The following PRPF38A variants were observed in gnomAD, a reference collection of about 807,000 sequenced individuals.
PRPF38A encodes the protein pre-mRNA-splicing factor 38A.
Under a neutral mutation model 46.8 loss-of-function variants are expected in PRPF38A, and 11 were observed. The ratio of observed to expected loss-of-function variants is 0.24; its 90% confidence interval spans 0.15 to 0.39. The LOEUF (loss-of-function observed/expected upper bound fraction) is 0.39. Among genes scored for constraint, PRPF38A ranks in the 10% least tolerant of loss-of-function variants. The probability of loss-of-function intolerance (pLI) is 1.00; values close to 1 mark genes in which losing one functional copy is unlikely to be tolerated. For synonymous variants in PRPF38A, 124 were observed against 136.2 expected, an observed-to-expected ratio of 0.91 and a Z score of 0.62; for missense variants, 261 against 407.5, an observed-to-expected ratio of 0.64 and a Z score of 3.10.
intron 1 of PRPF38A, 60 bp from the exon 2 acceptor site, chr1:52,405,620 T>C (rs1025011997): frequency 2.3e-5 from 36 of 1,542,800 alleles, no homozygotes; most frequent in Non-Finnish European, 3.0e-5. Context: ...TTGAACTAAC[T>C]CCACTCCAAC....
At chr1:52,411,641 T>TA (rs1416904070) in intron 4 of PRPF38A, among the ~76,000 whole-genome samples, 4 of 152,034 alleles carry the variant, frequency 2.6e-5, no homozygotes, top group African/African-American at 9.7e-5. Flanking sequence ...AGCCAGGACA[T>TA]AAAACAGATA....
intron 5 of PRPF38A, among the ~76,000 whole-genome samples, 188 bp from the exon 6 acceptor site, chr1:52,413,691 T>C (rs1291712172): frequency 6.6e-6 from 1 of 151,924 alleles, no homozygotes; most frequent in Non-Finnish European, 1.5e-5. Context: ...TTGGCTGTCT[T>C]ATATAGCTCA....
chr1:52,407,669 C>T (rs1648036530), intron 2 of PRPF38A, among the ~76,000 whole-genome samples: 1 of 152,174 alleles, frequency 6.6e-6, no homozygotes, highest in South Asian at 2.1e-4. Context: ...ACCTGTAATC[C>T]CAGCACTTTG....
At chr1:52,413,318 A>G (rs1188872964) in intron 5 of PRPF38A, among the ~76,000 whole-genome samples, 1 of 152,238 alleles carries the variant, frequency 6.6e-6, no homozygotes, top group Non-Finnish European at 1.5e-5. Flanking sequence ...AGGAGGGGGA[A>G]AATGTCAACC....
chr1:52,418,880 A>G lies in PRPF38A; in HGVS notation c.*2190A>G, dbSNP rs1467055621. ...AGACAAATTTCAGGAAAGAATACTTACTATGCAAAGTGAATTCTGGTGTTT... is the reference window on the plus strand; with the variant it reads ...AGACAAATTTCAGGAAAGAATACTTGCTATGCAAAGTGAATTCTGGTGTTT... On this transcript the variant is annotated 3_prime_UTR_variant, in exon 10 of 10. Coordinates refer to ENST00000257181, the MANE Select transcript of PRPF38A (RefSeq NM_032864.4). The G allele has an allele frequency of 6.6e-6, 1 of 152,252 alleles. No individual in the cohort carries two copies. The highest frequency in any genetic ancestry group is 6.5e-5 in the Admixed American group (1 of 15,288). 9.4% of individuals were successfully genotyped at this position (152,252 alleles called of 1,614,324 possible). A position where few individuals can be genotyped will look rare whatever the true frequency, so the allele number is the denominator to read the frequency against.
At position 52,405,789 on chromosome 1, in the gene PRPF38A, T is replaced by A; in HGVS notation, c.240T>A (p.Ile80=). The part of the protein sequence containing the change: ...FLCLTLKMLQ[I]QPEKDIIVEF... ...GTTTAACCTTGAAGATGCTTCAAAT[T>A]CAACCCGAGAAGGATATCATTGTAG... Residue 80 remains isoleucine, a synonymous_variant, in exon 2 of 10, where the codon ATT becomes ATA. Transcript: ENST00000257181. 6.2e-7 allele frequency: 1 copy of A among 1,614,178 alleles called. No individual in the cohort carries two copies. The highest frequency in any genetic ancestry group is 8.5e-7 in the Non-Finnish European group (1 of 1,180,012).
In PRPF38A at chr1:52,419,450, T is replaced by A. The variant is rs984155566; in HGVS notation, c.*2760T>A. Reference sequence around the variant, plus strand: ...CAAGCTCATTCCTCTAACCTCTTCCTGTTTGTTATTCTTCAGTAGACCGAA... The same window carrying A: ...CAAGCTCATTCCTCTAACCTCTTCCAGTTTGTTATTCTTCAGTAGACCGAA... On this transcript the variant is annotated 3_prime_UTR_variant, in exon 10 of 10. Coordinates refer to ENST00000257181, the MANE Select transcript of PRPF38A (RefSeq NM_032864.4). The A allele has an allele frequency of 6.6e-6, 1 of 151,952 alleles. No individual in the cohort carries two copies. Among genetic ancestry groups the A allele is most frequent in the Non-Finnish European group, 1.5e-5 (1 of 68,014 alleles). The allele number at this position is 151,952 out of a possible 1,614,324, so 9.4% of individuals were successfully genotyped here. A position where few individuals can be genotyped will look rare whatever the true frequency, so the allele number is the denominator to read the frequency against.
rs1557595543 is a variant in PRPF38A at position 52,418,668 on chromosome 1, T to C, written c.*1978T>C. ...GGAGGTAAGAGTAAGACATGTTGCA[T>C]GTCTGTAGATATCGTTTTGATAAAA... On this transcript the variant is annotated 3_prime_UTR_variant, in exon 10 of 10. Transcript: ENST00000257181. 2 of 152,250 alleles carry C rather than the reference T, an allele frequency of 1.3e-5. No individual in the cohort carries two copies. The highest frequency in any genetic ancestry group is 2.9e-5 in the Non-Finnish European group (2 of 68,042). The allele number at this position is 152,250 out of a possible 1,614,324, so 9.4% of individuals were successfully genotyped here. A position where few individuals can be genotyped will look rare whatever the true frequency, so the allele number is the denominator to read the frequency against.
intron 6 of PRPF38A, 72 bp downstream of exon 6, chr1:52,414,063 A>G (rs1648224591): frequency 1.9e-5 from 18 of 953,718 alleles, no homozygotes; most frequent in South Asian, 7.0e-5. Flanking sequence ...ATTTTAGAGA[A>G]GGAAAAATGC....
At chr1:52,415,496 C>A in intron 9 of PRPF38A, 110 bp downstream of exon 9, 1 of 890,358 alleles carries the variant, frequency 1.1e-6, no homozygotes, top group South Asian at 1.5e-5. Flanking sequence ...TCCTGCATTA[C>A]AAGACAAAAT....
intron 4 of PRPF38A, among the ~76,000 whole-genome samples, chr1:52,412,268 T>C (rs558574309): frequency 6.6e-6 from 1 of 152,306 alleles, no homozygotes; most frequent in South Asian, 2.1e-4. Context: ...TTCCCATGAC[T>C]TTAGAGTATA....
chr1:52,420,069 A>T lies in PRPF38A; in HGVS notation c.*3379A>T, dbSNP rs1648422684. 1 of 152,214 alleles carries T rather than the reference A, an allele frequency of 6.6e-6. No individual in the cohort carries two copies. Among genetic ancestry groups the T allele is most frequent in the East Asian group, 1.9e-4 (1 of 5,196 alleles). The allele number at this position is 152,214 out of a possible 1,614,324, so 9.4% of individuals were successfully genotyped here. On this transcript the variant is annotated 3_prime_UTR_variant, in exon 10 of 10. Transcript: ENST00000257181. Reference sequence around the variant, plus strand: ...GAAAAAAGAATTAAATGGGGTCAGGATGGTCTCAGATCTTATAACAAGAAG... The same window carrying T: ...GAAAAAAGAATTAAATGGGGTCAGGTTGGTCTCAGATCTTATAACAAGAAG...
intron 3 of PRPF38A, 134 bp downstream of exon 3, chr1:52,408,824 T>G: frequency 8.6e-7 from 1 of 1,161,890 alleles, no homozygotes; most frequent in Non-Finnish European, 1.2e-6. Flanking sequence ...CTATGCAGGT[T>G]TTCCCTTGTC....
rs1034371067 is a variant in PRPF38A at position 52,417,654 on chromosome 1, G to A, written c.*964G>A. ...ACAAAAGCCCATAAAGTTGGAGATA[G>A]GGACCAGAGTTTAACATAGCGATCT... is the stretch of plus-strand genomic sequence containing the variant. On this transcript the variant is annotated 3_prime_UTR_variant, in exon 10 of 10. Transcript: ENST00000257181. 1.3e-5 allele frequency: 2 copies of A among 152,192 alleles called. No individual in the cohort carries two copies. The highest frequency in any genetic ancestry group is 2.4e-5 in the African/African-American group (1 of 41,438). 9.4% of individuals were successfully genotyped at this position (152,192 alleles called of 1,614,324 possible).
chr1:52,413,328 C>T (rs1036306414), intron 5 of PRPF38A, among the ~76,000 whole-genome samples: 7 of 152,126 alleles, frequency 4.6e-5, no homozygotes, highest in African/African-American at 7.2e-5. Flanking sequence ...AAATGTCAAC[C>T]GCATAGTCAT....
In PRPF38A at chr1:52,415,425, T is replaced by C. The variant is rs183010354; in HGVS notation, c.896+39T>C. The C allele has an allele frequency of 6.1e-3, 9,494 of 1,559,000 alleles. 35 individuals carry two copies. The highest frequency in any genetic ancestry group is 7.2e-3 in the Non-Finnish European group (8,155 of 1,133,048). ...CTCTATTTTAACTTTACAGAAATAG[T>C]CCAAATTACAACTAACTGGACCTGA... On this transcript the variant is annotated intron_variant, in intron 9 of 9. Coordinates refer to ENST00000257181, the MANE Select transcript of PRPF38A (RefSeq NM_032864.4).
chr1:52,414,541 G>A, intron 6 of PRPF38A, 80 bp from the exon 7 acceptor site: 1 of 1,453,606 alleles, frequency 6.9e-7, no homozygotes, highest in East Asian at 2.3e-5. Context: ...GAAGCGTGAA[G>A]GATAAGATTG....
rs190781734 is a variant in PRPF38A, at chr1:52,416,714, A to G, written c.*24A>G. Reference sequence around the variant, plus strand: ...AATGGACTCAGTTTGGTTTTAGTCCACATGGCCTCCTGTGGATATAAGGAT... The same window carrying G: ...AATGGACTCAGTTTGGTTTTAGTCCGCATGGCCTCCTGTGGATATAAGGAT... On this transcript the variant is annotated 3_prime_UTR_variant, in exon 10 of 10. Coordinates refer to ENST00000257181, the MANE Select transcript of PRPF38A (RefSeq NM_032864.4). The G allele has an allele frequency of 2.1e-4, 332 of 1,573,456 alleles. No homozygotes were observed. In the African/African-American group the frequency reaches 3.7e-3, roughly 18 times the overall value.
In PRPF38A at chr1:52,406,238, C is replaced by T. The variant is rs548576180; in HGVS notation, c.290+399C>T. Reference sequence around the variant, plus strand: ...TCCAGACTTCAGGTAATCCCCTCCCCCCCCGGGCCTCCCAGAGTGCTGGGA... The same window carrying T: ...TCCAGACTTCAGGTAATCCCCTCCCTCCCCGGGCCTCCCAGAGTGCTGGGA... On this transcript the variant is annotated intron_variant, in intron 2 of 9. Coordinates refer to ENST00000257181, the MANE Select transcript of PRPF38A (RefSeq NM_032864.4). 1.4e-4 allele frequency among the ~76,000 whole-genome samples: 22 copies of T among 152,188 alleles called. No homozygotes were observed. In the South Asian group the frequency reaches 4.4e-3, roughly 30 times the overall value.
Sources: allele counts gnomAD v4.1 joint callset (sites outside exome capture counted in the v4.1 genomes callset), GRCh38; gene constraint gnomAD v4.1.1; transcripts MANE v1.5; gene names NCBI Gene and HGNC (gene_info 2026-07-23, HGNC 2026-07-21).